The following ACAP1 variants were observed in gnomAD, a reference collection of about 807,000 sequenced individuals.
The protein encoded by ACAP1 is arf-GAP with coiled-coil, ANK repeat and PH domain-containing protein 1.
ACAP1 carries 45 observed loss-of-function variants against 98.8 expected under a neutral mutation model. The observed-to-expected ratio is 0.46, with a 90% CI of 0.36 to 0.58. The LOEUF (loss-of-function observed/expected upper bound fraction) is 0.58. Ranked by LOEUF, ACAP1 falls within the 20% of genes least tolerant of loss-of-function variation. ACAP1 has a pLI of 0.00. For missense variants in ACAP1, 735 were observed against 971.4 expected (o/e 0.76, Z 3.24); for synonymous variants, 362 against 375.3 (o/e 0.96, Z 0.41).
chr17:7,346,727 C>T, intron 12 of ACAP1, 81 bp from the exon 13 acceptor site: 1 of 1,488,208 alleles, frequency 6.7e-7, no homozygotes, highest in Non-Finnish European at 9.1e-7. Context: ...TGAATACTGG[C>T]TGAATGTCAG....
chr17:7,336,782 T>C lies in ACAP1; in HGVS notation c.48T>C (p.Arg16=), dbSNP rs1261079342. 2 of 1,613,714 alleles carry C rather than the reference T, an allele frequency of 1.2e-6. No homozygotes were observed. Among genetic ancestry groups the C allele is most frequent in the African/African-American group, 2.7e-5 (2 of 74,880 alleles). ...AGGAGTGTCTCAAGGACTCACCCCGTTTCCGGTAAGTGTGAACTGGTCTGG... is the reference window on the plus strand; with the variant it reads ...AGGAGTGTCTCAAGGACTCACCCCGCTTCCGGTAAGTGTGAACTGGTCTGG... The part of the protein sequence containing the change: ...DFEECLKDSP[R]FRASIELVEA... The change falls in exon 1 of 22, where the codon CGT becomes CGC. Residue 16 remains arginine, a synonymous_variant. Transcript: ENST00000158762.
Position 7,343,328 on chromosome 17 carries a change from C to T in ACAP1, c.345-51C>T, listed in dbSNP as rs1340666812. On this transcript the variant is annotated intron_variant, in intron 5 of 21. Coordinates refer to ENST00000158762, the MANE Select transcript of ACAP1 (RefSeq NM_014716.4). The surrounding 1 kb of genome is among the most constrained non-coding windows in gnomAD (Gnocchi z 4.9). ...AGGGCTTTACCCTGGGAATGCTCTG[C>T]TGGGGCAGGTGGGTGTTAGCTGCGA... 3.9e-6 allele frequency: 6 copies of T among 1,557,370 alleles called. No homozygotes were observed. The highest frequency in any genetic ancestry group is 5.2e-6 in the Non-Finnish European group (6 of 1,144,086).
At chr17:7,346,193 G>A (rs749014015) in intron 10 of ACAP1, 51 bp from the exon 11 acceptor site, 82 of 1,571,180 alleles carry the variant, frequency 5.2e-5, no homozygotes, top group Non-Finnish European at 6.2e-5. Context: ...CCTCTCTTCC[G>A]TCCCTCATCC....
chr17:7,341,355 C>T (rs1157402647), intron 2 of ACAP1, among the ~76,000 whole-genome samples: 1 of 152,168 alleles, frequency 6.6e-6, no homozygotes, highest in African/African-American at 2.4e-5. Flanking sequence ...AGTCCTCCTG[C>T]CTTAGCCTCC....
At chr17:7,348,050 C>T (rs372533372) in intron 15 of ACAP1, 59 bp downstream of exon 15, 99 of 1,608,970 alleles carry the variant, frequency 6.2e-5, no homozygotes, top group Non-Finnish European at 8.3e-5. Context: ...AAGGACATGG[C>T]GGTGCAGGGG....
Position 7,350,362 on chromosome 17 carries a change from G to GCTGGGCCAGCGC in ACAP1, c.2072+127_2072+138dup. On this transcript the variant is annotated intron_variant, in intron 20 of 21. Coordinates refer to ENST00000158762, the MANE Select transcript of ACAP1 (RefSeq NM_014716.4). The surrounding 1 kb of genome is among the most constrained non-coding windows in gnomAD (Gnocchi z 4.6). ...CTGTGCTGTGGGGCCTCGGAAAGGG[G>GCTGGGCCAGCGC]CTGGGCCAGCGCCGGGGCCAGGCTC... The GCTGGGCCAGCGC allele has an allele frequency of 1.3e-6, 1 of 777,336 alleles. No individual in the cohort carries two copies. The highest frequency in any genetic ancestry group is 2.0e-6 in the Non-Finnish European group (1 of 491,888). 48.2% of individuals were successfully genotyped at this position (777,336 alleles called of 1,614,324 possible).
intron 18 of ACAP1, 119 bp from the exon 19 acceptor site, chr17:7,349,826 A>G: frequency 1.2e-6 from 1 of 805,022 alleles, no homozygotes; most frequent in Non-Finnish European, 2.0e-6. Flanking sequence ...AACCCCTTCC[A>G]CACTCCTGAT....
chr17:7,349,376 A>T, intron 18 of ACAP1: 2 of 506,962 alleles, frequency 3.9e-6, no homozygotes, highest in Non-Finnish European at 6.9e-6. Context: ...CTCTTACAGG[A>T]GACTTTTTTT....
intron 12 of ACAP1, 129 bp downstream of exon 12, chr17:7,346,620 TG>T: frequency 2.6e-6 from 3 of 1,165,632 alleles, no homozygotes; most frequent in East Asian, 2.4e-5. Context: ...GCGGCTGGAC[TG>T]GGGGGCCATT....
chr17:7,341,347 T>G (rs1192260861), intron 2 of ACAP1, among the ~76,000 whole-genome samples: 2 of 152,150 alleles, frequency 1.3e-5, no homozygotes, highest in Non-Finnish European at 2.9e-5. Flanking sequence ...GTTCAAGCAG[T>G]CCTCCTGCCT....
At position 7,350,641 on chromosome 17, in the gene ACAP1, C is replaced by T. The variant is rs1359695136; in HGVS notation, c.2073-309C>T. On this transcript the variant is annotated intron_variant, in intron 20 of 21. Coordinates refer to ENST00000158762, the MANE Select transcript of ACAP1 (RefSeq NM_014716.4). This position sits in a 1 kb window ranked among gnomAD's most constrained non-coding sequence, Gnocchi z 4.6. ...TTTTTTTTTTTGAGACGGAGTCTCACTCTGTCGCCCAGGCTAGAGTGCAGG... is the reference window on the plus strand; with the variant it reads ...TTTTTTTTTTTGAGACGGAGTCTCATTCTGTCGCCCAGGCTAGAGTGCAGG... The T allele has an allele frequency of 1.6e-5, 6 of 381,720 alleles. No homozygotes were observed. Among genetic ancestry groups the T allele is most frequent in the Middle Eastern group, 1.5e-3 (2 of 1,312 alleles). The allele number at this position is 381,720 out of a possible 1,614,324, so 23.6% of individuals were successfully genotyped here. A position where few individuals can be genotyped will look rare whatever the true frequency, so the allele number is the denominator to read the frequency against.
At chr17:7,351,200 T>A in intron 21 of ACAP1, 95 bp from the exon 22 acceptor site, 1 of 1,202,882 alleles carries the variant, frequency 8.3e-7, no homozygotes, top group Non-Finnish European at 1.2e-6. Flanking sequence ...CCACCCAGGC[T>A]CGGAGCGCGA....
chr17:7,337,249 G>A, intron 1 of ACAP1, 63 bp from the exon 2 acceptor site: 6 of 1,530,550 alleles, frequency 3.9e-6, no homozygotes, highest in East Asian at 2.3e-5. Context: ...ACTCCATCCC[G>A]CCTGATGAGG....
At chr17:7,342,355 G>A (rs8069505) in intron 4 of ACAP1, 27 bp downstream of exon 4, 606,840 of 1,613,506 alleles carry the variant, frequency 0.38, 120,909 homozygotes, top group Non-Finnish European at 0.42. Context: ...AAGGATTGTC[G>A]GGGTGGTGGC....
chr17:7,340,723 G>A (rs1026074396), intron 2 of ACAP1, among the ~76,000 whole-genome samples: 30 of 152,194 alleles, frequency 2.0e-4, no homozygotes, highest in Non-Finnish European at 2.8e-4. Flanking sequence ...GCGGGCACCT[G>A]TAATCCCAGC....
At position 7,347,967 on chromosome 17, in the gene ACAP1, C is replaced by T. The variant is rs1263290831; in HGVS notation, c.1389C>T (p.Asp463=). 2 of 1,614,212 alleles carry T rather than the reference C, an allele frequency of 1.2e-6. No homozygotes were observed. The highest frequency in any genetic ancestry group is 1.7e-5 in the Admixed American group (1 of 60,020). Residue 463 remains aspartate, a synonymous_variant, in exon 15 of 22, where the codon GAC becomes GAT. Coordinates refer to ENST00000158762, the MANE Select transcript of ACAP1 (RefSeq NM_014716.4). The stretch of plus-strand genomic sequence containing the variant: ...CCAAAGTCCGGTCTCTGACCCTTGA[C>T]TCATGGGAGCCAGAACTAGTGAAGG... ...HFSKVRSLTL[D]SWEPELVKLM... is the part of the protein sequence containing the mutation.
intron 17 of ACAP1, 30 bp from the exon 18 acceptor site, chr17:7,348,965 C>A: frequency 6.2e-6 from 10 of 1,602,838 alleles, no homozygotes; most frequent in Non-Finnish European, 8.5e-6. Context: ...GGAGCTGCTT[C>A]CCCCTAACAG....
In ACAP1 at chr17:7,351,389, G is replaced by A. The variant is rs747055837; in HGVS notation, c.2217G>A (p.Thr739=). The A allele has an allele frequency of 1.9e-6, 3 of 1,610,678 alleles. No individual in the cohort carries two copies. Among genetic ancestry groups the A allele is most frequent in the Non-Finnish European group, 1.7e-6 (2 of 1,178,464 alleles). The stretch of plus-strand genomic sequence containing the variant: ...GCCGTCGCAGTCATGACCTCCACAC[G>A]CTGTGACCCGAGGCCCACGGGGCCC... ...KLSRRSHDLH[T]L is the part of the protein sequence containing the mutation. Residue 739 remains threonine (T), a synonymous_variant, in exon 22 of 22, where the codon ACG becomes ACA. Coordinates refer to ENST00000158762, the MANE Select transcript of ACAP1 (RefSeq NM_014716.4).
chr17:7,348,568 C>T, intron 17 of ACAP1, 93 bp downstream of exon 17: 3 of 1,342,334 alleles, frequency 2.2e-6, no homozygotes, highest in South Asian at 3.3e-5. Flanking sequence ...AAGCCCAGGC[C>T]TTCCGCTGGA....
Sources: allele counts gnomAD v4.1 joint callset (sites outside exome capture counted in the v4.1 genomes callset), GRCh38; gene constraint gnomAD v4.1.1; non-coding constraint Gnocchi (gnomAD v3.1); transcripts MANE v1.5; gene names NCBI Gene and HGNC (gene_info 2026-07-23, HGNC 2026-07-21).